Variants in CSMD3 observed in about 807,000 individuals in gnomAD.
The protein encoded by CSMD3 is CUB and Sushi multiple domains 3.
CSMD3 carries 177 observed loss-of-function variants against 435.2 expected under a neutral mutation model. The ratio of observed to expected loss-of-function variants is 0.41; its 90% confidence interval spans 0.36 to 0.46. The LOEUF (loss-of-function observed/expected upper bound fraction) is 0.46. Among genes scored for constraint, CSMD3 ranks in the 20% least tolerant of loss-of-function variants. The pLI is 0.34. For synonymous variants in CSMD3, 1,656 were observed against 1,520.5 expected, an observed-to-expected ratio of 1.09 and a Z score of -2.07; for missense variants, 4,265 against 4,504.6, an observed-to-expected ratio of 0.95 and a Z score of 1.52.
intron 7 of CSMD3, among the ~76,000 whole-genome samples, chr8:112,972,265 T>A (rs990650361): frequency 6.6e-6 from 1 of 151,894 alleles, no homozygotes; most frequent in Non-Finnish European, 1.5e-5. Flanking sequence ...AATATTAAAT[T>A]ATTACATACT....
At chr8:113,330,190 A>G (rs2094016827) in intron 1 of CSMD3, among the ~76,000 whole-genome samples, 1 of 152,142 alleles carries the variant, frequency 6.6e-6, no homozygotes, top group East Asian at 1.9e-4. Flanking sequence ...GGAGGGAATG[A>G]AAGCACATTG....
At chr8:113,383,458 T>C (rs956699832) in intron 1 of CSMD3, among the ~76,000 whole-genome samples, 3 of 152,052 alleles carry the variant, frequency 2.0e-5, no homozygotes, top group Non-Finnish European at 4.4e-5. Context: ...AGATGCACAT[T>C]TGAAAAAGAC....
intron 13 of CSMD3, among the ~76,000 whole-genome samples, chr8:112,703,690 G>C (rs1241184134): frequency 6.6e-6 from 1 of 152,060 alleles, no homozygotes; most frequent in African/African-American, 2.4e-5. Context: ...GATTCTTAAT[G>C]TTAAGAAGCC....
At chr8:112,688,160 A>C (rs968425749) in intron 14 of CSMD3, among the ~76,000 whole-genome samples, 12 of 152,206 alleles carry the variant, frequency 7.9e-5, no homozygotes, top group African/African-American at 2.7e-4. Flanking sequence ...CATGGAAAGG[A>C]GGATGGATTT....
rs11988898 is a variant in CSMD3 at position 113,283,148 on chromosome 8, A to G, written c.402-4444T>C. Among the ~76,000 whole-genome samples, 1,175 of 152,228 alleles carry G rather than the reference A, an allele frequency of 7.7e-3. 17 individuals carry two copies. Among genetic ancestry groups the G allele is most frequent in the African/African-American group, 0.027 (1,115 of 41,550 alleles). On this transcript the variant is annotated intron_variant, in intron 2 of 70. Coordinates refer to ENST00000297405, the MANE Select transcript of CSMD3 (RefSeq NM_198123.2). ...TAAAAATTCTAGAAGATAACATTCG[A>G]AAAACTCTTGCAGACATTGGCTTAG...
chr8:112,383,791 G>A, intron 36 of CSMD3, 128 bp from the exon 37 acceptor site: 1 of 702,794 alleles, frequency 1.4e-6, no homozygotes, highest in Non-Finnish European at 2.6e-6. Context: ...TTCATAGAAG[G>A]GTTTTTAACA....
intron 10 of CSMD3, among the ~76,000 whole-genome samples, chr8:112,876,664 G>C (rs2081291240): frequency 6.6e-6 from 1 of 151,566 alleles, no homozygotes; most frequent in Non-Finnish European, 1.5e-5. Flanking sequence ...AATAAACTAG[G>C]TATGCTGGAA....
chr8:113,105,079 ACTT>A (rs2131574802), intron 4 of CSMD3, among the ~76,000 whole-genome samples: 1 of 152,234 alleles, frequency 6.6e-6, no homozygotes, highest in South Asian at 2.1e-4. Flanking sequence ...ATTCAATAAA[ACTT>A]AAATTATTTA....
chr8:113,060,526 T>C (rs570668053), intron 5 of CSMD3, among the ~76,000 whole-genome samples: 1 of 152,118 alleles, frequency 6.6e-6, no homozygotes, highest in South Asian at 2.1e-4. Context: ...CTGAGGTTAC[T>C]TCACTGGCAA....
At chr8:113,116,054 G>A (rs1299391668) in intron 4 of CSMD3, among the ~76,000 whole-genome samples, 1 of 152,100 alleles carries the variant, frequency 6.6e-6, no homozygotes, top group Non-Finnish European at 1.5e-5. Flanking sequence ...CCTGTATCCA[G>A]GACAGTGAGA....
chr8:113,384,132 C>T (rs189374740), intron 1 of CSMD3, among the ~76,000 whole-genome samples: 1 of 152,238 alleles, frequency 6.6e-6, no homozygotes, highest in Admixed American at 6.5e-5. Flanking sequence ...CTCATGTCCC[C>T]TCCTTAAAGC....
At chr8:112,310,391 A>G (rs1251493465) in intron 50 of CSMD3, 4 of 153,912 alleles carry the variant, frequency 2.6e-5, no homozygotes, top group African/African-American at 9.6e-5. Context: ...CAATTTTTTG[A>G]TTAACAAGCT....
At chr8:112,861,561 T>G (rs1046716424) in intron 10 of CSMD3, among the ~76,000 whole-genome samples, 1 of 151,904 alleles carries the variant, frequency 6.6e-6, no homozygotes, top group Non-Finnish European at 1.5e-5. Context: ...ATATTCTATT[T>G]ACTTAAACAA....
rs146532367 is a variant in CSMD3 at position 113,157,334 on chromosome 8, C to T, written c.709+16388G>A. Among the ~76,000 whole-genome samples, 942 of 152,180 alleles carry T rather than the reference C, an allele frequency of 6.2e-3. 5 individuals are homozygous for T. Among genetic ancestry groups the T allele is most frequent in the Non-Finnish European group, 9.7e-3 (659 of 67,992 alleles). ...TTGCTGTGCTTTGATTAACAAAGTC[C>T]CTTGTCTCTGACCCAAGAGTCTCAT... is the stretch of plus-strand genomic sequence containing the variant. On this transcript the variant is annotated intron_variant, in intron 4 of 70. Coordinates refer to ENST00000297405, the MANE Select transcript of CSMD3 (RefSeq NM_198123.2).
intron 13 of CSMD3, among the ~76,000 whole-genome samples, chr8:112,786,653 A>G (rs2078547458): frequency 6.6e-6 from 1 of 152,162 alleles, no homozygotes; most frequent in African/African-American, 2.4e-5. Context: ...GAAAACATGT[A>G]TATGATAAGG....
intron 18 of CSMD3, among the ~76,000 whole-genome samples, chr8:112,652,127 C>T (rs567977221): frequency 1.8e-4 from 27 of 152,152 alleles, no homozygotes; most frequent in African/African-American, 6.3e-4. Flanking sequence ...TGTTCAAAGT[C>T]GTCACCCTGA....
chr8:113,199,516 T>G (rs993652487), intron 3 of CSMD3, among the ~76,000 whole-genome samples: 3 of 151,792 alleles, frequency 2.0e-5, no homozygotes, highest in African/African-American at 7.2e-5. Context: ...ACCTTAAATT[T>G]AAAAACTGCC....
chr8:113,411,074 T>C (rs911770248), intron 1 of CSMD3, among the ~76,000 whole-genome samples: 1 of 144,538 alleles, frequency 6.9e-6, no homozygotes, highest in Non-Finnish European at 1.5e-5. Flanking sequence ...GAAGGAAGGA[T>C]GGAAGGAAGG....
At chr8:112,810,128 T>C (rs11787239) in intron 12 of CSMD3, among the ~76,000 whole-genome samples, 31,618 of 152,116 alleles carry the variant, frequency 0.21, 4,068 homozygotes, top group Non-Finnish European at 0.3. Flanking sequence ...AGGAAAAGTC[T>C]TGTTTGTTTG....
Sources: allele counts gnomAD v4.1 joint callset (sites outside exome capture counted in the v4.1 genomes callset), GRCh38; gene constraint gnomAD v4.1.1; transcripts MANE v1.5; gene names NCBI Gene and HGNC (gene_info 2026-07-23, HGNC 2026-07-21).